Variants in GREM2 observed in about 807,000 individuals in gnomAD.
GREM2 encodes gremlin-2.
A neutral mutation model predicts 14.2 loss-of-function variants in GREM2; 11 were observed. The ratio of observed to expected loss-of-function variants is 0.78; its 90% CI spans 0.49 to 1.28. The LOEUF (loss-of-function observed/expected upper bound fraction) is 1.28, where lower values mean the gene tolerates loss of function less well. Among genes scored for constraint, GREM2 ranks in the 50% most tolerant of loss-of-function variants. The pLI is 0.00. For missense variants in GREM2, 210 were observed against 218.5 expected (o/e 0.96, Z 0.24); for synonymous variants, 98 against 97.6 (o/e 1.00, Z -0.02).
intron 1 of GREM2, among the ~76,000 whole-genome samples, chr1:240,521,837 G>A (rs902970297): frequency 6.6e-6 from 1 of 151,872 alleles, no homozygotes; most frequent in African/African-American, 2.4e-5. Flanking sequence ...GTAGGCCAGG[G>A]TCAGTGGCTC....
intron 1 of GREM2, among the ~76,000 whole-genome samples, chr1:240,508,030 G>A (rs146602842): frequency 1.3e-5 from 2 of 152,264 alleles, no homozygotes; most frequent in Non-Finnish European, 2.9e-5. Flanking sequence ...AATGAGGTAC[G>A]TGCCGAGCTG....
intron 1 of GREM2, among the ~76,000 whole-genome samples, chr1:240,517,816 A>G (rs550136056): frequency 6.6e-6 from 1 of 152,338 alleles, no homozygotes; most frequent in South Asian, 2.1e-4. Context: ...GTCATCCTGA[A>G]TATCTGAGAT....
chr1:240,534,369 T>C (rs2103318474), intron 1 of GREM2, among the ~76,000 whole-genome samples: 1 of 152,296 alleles, frequency 6.6e-6, no homozygotes, highest in South Asian at 2.1e-4. Flanking sequence ...GGTTCTGCTC[T>C]AAGAGAGACA....
At chr1:240,510,140 C>A (rs907954402) in intron 1 of GREM2, among the ~76,000 whole-genome samples, 2 of 152,100 alleles carry the variant, frequency 1.3e-5, no homozygotes, top group East Asian at 2.0e-4. Context: ...GAGGCCGAGG[C>A]GGGCGGATCA....
intron 1 of GREM2, among the ~76,000 whole-genome samples, chr1:240,607,144 ACTG>A (rs1478163607): frequency 2.0e-5 from 3 of 152,142 alleles, no homozygotes; most frequent in Non-Finnish European, 2.9e-5. Flanking sequence ...TTAACTAACA[ACTG>A]TCAGCCATTT....
At chr1:240,570,290 T>C (rs1428382479) in intron 1 of GREM2, among the ~76,000 whole-genome samples, 1 of 151,994 alleles carries the variant, frequency 6.6e-6, no homozygotes, top group Non-Finnish European at 1.5e-5. Flanking sequence ...GGTGAAACCC[T>C]GTCTCCACTA....
At chr1:240,562,962 GTGTGTGTA>G (rs1162416440) in intron 1 of GREM2, among the ~76,000 whole-genome samples, 34 of 115,290 alleles carry the variant, frequency 2.9e-4, no homozygotes, top group African/African-American at 9.7e-4. Context: ...ATGTGTGTGA[GTGTGTGTA>G]TGTGTGTATA....
chr1:240,520,339 G>A lies in GREM2; in HGVS notation c.-1-26863C>T, dbSNP rs77139474. Among the ~76,000 whole-genome samples the A allele has an allele frequency of 8.1e-3, 1,232 of 152,138 alleles. 13 individuals carry two copies. The highest frequency in any genetic ancestry group is 0.028 in the African/African-American group (1,161 of 41,508). ...TCTTTCAAACACAGGATTCCAAGCA[G>A]CAGAATGCAGGGGGACAAATAACCA... On this transcript the variant is annotated intron_variant, in intron 1 of 1. Transcript: ENST00000318160.
chr1:240,493,899 G>C (rs1463362074), intron 1 of GREM2, among the ~76,000 whole-genome samples: 2 of 152,258 alleles, frequency 1.3e-5, no homozygotes, highest in Non-Finnish European at 2.9e-5. Context: ...CCCAGGGGCA[G>C]CTGGAGGTGA....
At chr1:240,499,769 A>G (rs1415487720) in intron 1 of GREM2, among the ~76,000 whole-genome samples, 2 of 152,210 alleles carry the variant, frequency 1.3e-5, no homozygotes, top group Non-Finnish European at 2.9e-5. Context: ...ACCCAACCTG[A>G]GATCTGTTTT....
intron 1 of GREM2, among the ~76,000 whole-genome samples, chr1:240,538,302 G>C (rs1028067116): frequency 6.6e-6 from 1 of 152,094 alleles, no homozygotes; most frequent in African/African-American, 2.4e-5. Flanking sequence ...GTGATTGATT[G>C]CTTCTCTAAC....
chr1:240,524,301 C>T (rs1678174436), intron 1 of GREM2, among the ~76,000 whole-genome samples: 1 of 152,242 alleles, frequency 6.6e-6, no homozygotes, highest in African/African-American at 2.4e-5. Flanking sequence ...GCATGGGCCA[C>T]CACACCCAGC....
In GREM2 at chr1:240,520,019, G is replaced by A. The variant is rs150402661; in HGVS notation, c.-1-26543C>T. Among the ~76,000 whole-genome samples, 1,030 of 152,082 alleles carry A rather than the reference G, an allele frequency of 6.8e-3. 4 individuals carry two copies. Among genetic ancestry groups the A allele is most frequent in the African/African-American group, 0.023 (962 of 41,454 alleles). ...CGCTTGAACCCGAGAGACGGAGGTT[G>A]CGGTGAGCCAGGATTGTGCCATTGC... On this transcript the variant is annotated intron_variant, in intron 1 of 1. Coordinates refer to ENST00000318160, the MANE Select transcript of GREM2 (RefSeq NM_022469.4).
At chr1:240,534,015 C>A (rs1447005515) in intron 1 of GREM2, among the ~76,000 whole-genome samples, 1 of 152,144 alleles carries the variant, frequency 6.6e-6, no homozygotes. Context: ...GAGTTGCAAA[C>A]AGATAACTTG....
chr1:240,509,617 C>T (rs1677759471), intron 1 of GREM2, among the ~76,000 whole-genome samples: 1 of 152,078 alleles, frequency 6.6e-6, no homozygotes, highest in Non-Finnish European at 1.5e-5. Context: ...ATCCGCCCGC[C>T]TCAGCCTCCC....
intron 1 of GREM2, among the ~76,000 whole-genome samples, chr1:240,497,867 G>C (rs143916962): frequency 5.3e-5 from 8 of 152,054 alleles, no homozygotes; most frequent in South Asian, 2.1e-4. Context: ...GATCTCAATA[G>C]CCTCTTAAAA....
chr1:240,559,662 T>C (rs1679006541), intron 1 of GREM2, among the ~76,000 whole-genome samples: 1 of 152,192 alleles, frequency 6.6e-6, no homozygotes, highest in South Asian at 2.1e-4. Flanking sequence ...TTTAAGTATT[T>C]ACAAGCTGAC....
intron 1 of GREM2, among the ~76,000 whole-genome samples, chr1:240,576,509 G>A (rs963525356): frequency 6.6e-6 from 1 of 152,046 alleles, no homozygotes; most frequent in Non-Finnish European, 1.5e-5. Context: ...GTTTCGTTTC[G>A]TTACAAAACT....
intron 1 of GREM2, among the ~76,000 whole-genome samples, chr1:240,507,568 A>G (rs1285472436): frequency 6.6e-6 from 1 of 152,136 alleles, no homozygotes; most frequent in Non-Finnish European, 1.5e-5. Flanking sequence ...CCTGACCTCA[A>G]GTGATACGCC....
Sources: allele counts gnomAD v4.1 joint callset (sites outside exome capture counted in the v4.1 genomes callset), GRCh38; gene constraint gnomAD v4.1.1; transcripts MANE v1.5; gene names NCBI Gene and HGNC (gene_info 2026-07-23, HGNC 2026-07-21).